DDX17: variants seen among roughly 807,000 people sequenced by gnomAD.
DDX17 encodes the protein DEAD-box helicase 17.
In DDX17, 10 loss-of-function variants were observed where a neutral mutation model predicts 80.8. The observed-to-expected ratio is 0.12, with a 90% CI of 0.08 to 0.21. DDX17 has a LOEUF of 0.21. DDX17 is among the 10% of genes least tolerant of loss of function. DDX17 has a pLI of 1.00. For synonymous variants in DDX17, 339 were observed against 336.2 expected (o/e 1.01, Z -0.09); for missense variants, 586 against 957.4 (o/e 0.61, Z 5.12).
intron 11 of DDX17, chr22:38,490,320 C>T (rs1287169103): frequency 1.6e-6 from 2 of 1,287,108 alleles, no homozygotes; most frequent in East Asian, 1.1e-4. Flanking sequence ...GCCTGAATCG[C>T]CAATCACTAA....
At chr22:38,496,123 G>C (rs1045499462) in intron 5 of DDX17, among the ~76,000 whole-genome samples, 186 bp from the exon 6 acceptor site, 3 of 152,040 alleles carry the variant, frequency 2.0e-5, no homozygotes, top group African/African-American at 4.8e-5. Context: ...AAAATTATTA[G>C]AACTTCATGT....
intron 1 of DDX17, among the ~76,000 whole-genome samples, chr22:38,502,429 G>A (rs1280669071): frequency 4.7e-5 from 6 of 127,748 alleles, no homozygotes; most frequent in African/African-American, 1.1e-4. Context: ...AAAAAAAAAA[G>A]CTGAACATAG....
chr22:38,491,977 TG>T (rs2089718177), intron 11 of DDX17, 78 bp downstream of exon 11: 31 of 1,045,010 alleles, frequency 3.0e-5, no homozygotes, highest in Non-Finnish European at 4.0e-5. Context: ...TTTCTAAACT[TG>T]AAGTCTGAAT....
chr22:38,496,081 G>T, intron 5 of DDX17, 144 bp from the exon 6 acceptor site: 1 of 705,546 alleles, frequency 1.4e-6, no homozygotes, highest in Non-Finnish European at 2.1e-6. Flanking sequence ...AAGATCAGAA[G>T]TGGGGAATAT....
chr22:38,501,981 A>G (rs1034106166), intron 1 of DDX17, among the ~76,000 whole-genome samples: 1 of 152,262 alleles, frequency 6.6e-6, no homozygotes, highest in Admixed American at 6.5e-5. Flanking sequence ...AAGTCCCTCA[A>G]TCTTAGAATA....
chr22:38,494,177 T>C (rs377111397), intron 8 of DDX17, 46 bp from the exon 9 acceptor site: 2 of 1,316,536 alleles, frequency 1.5e-6, no homozygotes, highest in Non-Finnish European at 2.2e-6. Flanking sequence ...AAAGTTATTA[T>C]GTGGACGATT....
chr22:38,487,631 C>CA (rs2089673347), intron 12 of DDX17, among the ~76,000 whole-genome samples: 1 of 152,028 alleles, frequency 6.6e-6, no homozygotes, highest in South Asian at 2.1e-4. Context: ...AACAAACAAA[C>CA]AAACAAAACC....
chr22:38,506,234 G>T lies in DDX17; in HGVS notation c.4C>A (p.Pro2Thr), dbSNP rs1196643815. ...AGAATCGGGGCTACAAAGCCGGTGG[G>T]CAGGTTTGGCTACGCTCAAACCGGG... Residue 2 changes from proline to threonine, a missense_variant, in exon 1 of 13, where the codon CCC (proline) becomes ACC (threonine). Pro to Thr is a conservative substitution (Grantham distance 38, BLOSUM62 -1). Transcript: ENST00000403230. 4 of 1,602,948 alleles carry T rather than the reference G, an allele frequency of 2.5e-6. No homozygotes were observed. The African/African-American group carries it at 5.4e-5, about 22-fold the overall frequency.
chr22:38,488,849 G>A (rs762249686), intron 11 of DDX17: 128 of 985,156 alleles, frequency 1.3e-4, no homozygotes, highest in Non-Finnish European at 1.5e-4. Context: ...GGATATTTTT[G>A]CTCAACTCAA....
intron 11 of DDX17, chr22:38,490,396 T>C: frequency 7.8e-7 from 1 of 1,289,420 alleles, no homozygotes. Flanking sequence ...TAGATTTGTC[T>C]CGGCCATGTA....
At chr22:38,492,954 A>G (rs922713929) in intron 10 of DDX17, among the ~76,000 whole-genome samples, 1 of 152,226 alleles carries the variant, frequency 6.6e-6, no homozygotes, top group East Asian at 1.9e-4. Flanking sequence ...AACGGTAGTT[A>G]TATTTTTATA....
At chr22:38,500,976 A>AAG (rs1234920023) in intron 2 of DDX17, among the ~76,000 whole-genome samples, 154 bp downstream of exon 2, 1 of 150,602 alleles carries the variant, frequency 6.6e-6, no homozygotes, top group Non-Finnish European at 1.5e-5. Context: ...ACAAAAAGGA[A>AAG]AAAAAAAAAA....
chr22:38,501,688 G>T (rs955906724), intron 1 of DDX17, among the ~76,000 whole-genome samples: 1 of 152,178 alleles, frequency 6.6e-6, no homozygotes, highest in African/African-American at 2.4e-5. Flanking sequence ...AGGCTGCTGA[G>T]AAAATGACCT....
chr22:38,488,144 A>G (rs370353452), intron 11 of DDX17, 29 bp from the exon 12 acceptor site: 1 of 1,613,040 alleles, frequency 6.2e-7, no homozygotes, highest in Non-Finnish European at 8.5e-7. Context: ...GTCAGTGTGT[A>G]GGTTGATGTG....
intron 3 of DDX17, 59 bp downstream of exon 3, chr22:38,499,341 C>T: frequency 7.6e-7 from 1 of 1,320,012 alleles, no homozygotes; most frequent in African/African-American, 1.4e-5. Flanking sequence ...AACCTACTAC[C>T]CTTGTCTCCC....
chr22:38,495,073 C>T (rs1277204880), intron 6 of DDX17, 27 bp from the exon 7 acceptor site: 1 of 1,602,264 alleles, frequency 6.2e-7, no homozygotes, highest in Non-Finnish European at 8.5e-7. Flanking sequence ...ATGATCGAGC[C>T]AATCGACTAG....
chr22:38,498,681 C>G, intron 3 of DDX17, 108 bp from the exon 4 acceptor site: 2 of 1,220,770 alleles, frequency 1.6e-6, no homozygotes, highest in Non-Finnish European at 2.3e-6. Flanking sequence ...CCAGCTTCAT[C>G]TCTCCAAAGT....
rs780966058 is a variant in DDX17, at chr22:38,485,943, G to T, written c.2182C>A (p.Arg728Ser). ...CTACCACTTGAGTGGTTTCATTTACGTGAAGGAGGAGGAGGGGGAGGAGGA... is the reference window on the plus strand; with the variant it reads ...CTACCACTTGAGTGGTTTCATTTACTTGAAGGAGGAGGAGGGGGAGGAGGA... The change falls in exon 13 of 13, where the codon CGT becomes AGT. Residue 728 changes from arginine (R) to serine (S), a missense_variant. Arg to Ser is a moderately radical substitution (Grantham distance 110). Transcript: ENST00000403230. The T allele has an allele frequency of 6.2e-7, 1 of 1,613,636 alleles. No homozygotes were observed. Among genetic ancestry groups the T allele is most frequent in the African/African-American group, 1.3e-5 (1 of 74,932 alleles).
intron 10 of DDX17, chr22:38,493,439 A>G: frequency 2.9e-6 from 1 of 346,316 alleles, no homozygotes; most frequent in East Asian, 5.1e-5. Flanking sequence ...CACGCGCCTC[A>G]GCCTCCCAAA....
Sources: allele counts gnomAD v4.1 joint callset (sites outside exome capture counted in the v4.1 genomes callset), GRCh38; gene constraint gnomAD v4.1.1; transcripts MANE v1.5; gene names NCBI Gene and HGNC (gene_info 2026-07-23, HGNC 2026-07-21).